HSD17B10: variants seen among roughly 807,000 people sequenced by gnomAD.
The protein encoded by HSD17B10 is hydroxysteroid 17-beta dehydrogenase 10.
For synonymous variants in HSD17B10, 90 were observed against 85.9 expected (o/e 1.05, Z -0.26); for missense variants, 87 against 219.4 (o/e 0.40, Z 3.81).
At chrX:53,432,480 G>T in intron 2 of HSD17B10, 69 bp from the exon 3 acceptor site, 1 of 895,442 alleles carries the variant, frequency 1.1e-6, no homozygotes, top group Non-Finnish European at 1.6e-6. Flanking sequence ...CCTGAGGGAG[G>T]GCAGGGCAGG....
rs1452727816 is a variant in HSD17B10, at chrX:53,432,319, C to T, written c.285G>A (p.Ala95=). The T allele has an allele frequency of 1.1e-5, 13 of 1,210,604 alleles. No homozygotes were observed. The South Asian group carries it at 1.6e-4, about 15-fold the overall frequency. ...VDVAVNCAGI[A]VASKTYNLKK... Reference sequence around the variant, plus strand: ...TTAAGTTGTACGTCTTGCTAGCCACCGCGATGCCTGCACAGTTGACAGCTA... The same window carrying T: ...TTAAGTTGTACGTCTTGCTAGCCACTGCGATGCCTGCACAGTTGACAGCTA... Residue 95 remains alanine (A), a synonymous_variant, in exon 3 of 6, where the codon GCG becomes GCA. Coordinates refer to ENST00000168216, the MANE Select transcript of HSD17B10 (RefSeq NM_004493.3).
rs781911950 is a variant in HSD17B10, at chrX:53,431,485, G to A, written c.705C>T (p.His235=). 1.7e-6 allele frequency: 2 copies of A among 1,210,507 alleles called. No individual in the cohort carries two copies. Among genetic ancestry groups the A allele is most frequent in the Admixed American group, 2.2e-5 (1 of 46,044 alleles). ...SRLGDPAEYA[H]LVQAIIENPF... is the part of the protein sequence containing the mutation. ...GGTTCTCGATGATGGCCTGTACGAG[G>A]TGAGCATACTCAGCAGGGTCACCCA... is the stretch of plus-strand genomic sequence containing the variant. Residue 235 remains histidine (H), a synonymous_variant, in exon 6 of 6, where the codon CAC becomes CAT. Coordinates refer to ENST00000168216, the MANE Select transcript of HSD17B10 (RefSeq NM_004493.3).
chrX:53,434,339 C>T lies in HSD17B10; in HGVS notation c.7G>A (p.Ala3Thr). The T allele has an allele frequency of 1.7e-6, 2 of 1,168,761 alleles. No individual in the cohort carries two copies. The highest frequency in any genetic ancestry group is 2.3e-6 in the Non-Finnish European group (2 of 873,314). The change falls in exon 1 of 6, where the codon GCA becomes ACA. Residue 3 changes from alanine to threonine, a missense_variant. Coordinates refer to ENST00000168216, the MANE Select transcript of HSD17B10 (RefSeq NM_004493.3). ...TCTACCTTCACGCTCCGACACGCTG[C>T]TGCCATCTTGTCGCCGGCCACTCCA... MA[A>T]ACRSVKGLVA...
rs782410328 is a variant in HSD17B10, at chrX:53,431,395, C to G, written c.*9G>C. On this transcript the variant is annotated 3_prime_UTR_variant, in exon 6 of 6. Coordinates refer to ENST00000168216, the MANE Select transcript of HSD17B10 (RefSeq NM_004493.3). The stretch of plus-strand genomic sequence containing the variant: ...GCAGAGGAGCGTGTGTTTTCTCTGC[C>G]TTCTCCCTTCAAGGCTGCATACGAA... 13 of 1,204,349 alleles carry G rather than the reference C, an allele frequency of 1.1e-5. No homozygotes were observed. In the East Asian group the frequency reaches 3.3e-4, roughly 30 times the overall value.
At chrX:53,434,192 G>T in intron 1 of HSD17B10, 127 bp downstream of exon 1, 1 of 813,736 alleles carries the variant, frequency 1.2e-6, no homozygotes, top group South Asian at 2.2e-5. Flanking sequence ...TGAGCCCAAC[G>T]GCCACAATAC....
chrX:53,433,145 AT>A (rs781862235), intron 2 of HSD17B10: 7 of 115,173 alleles, frequency 6.1e-5, no homozygotes, highest in Non-Finnish European at 8.9e-5. Flanking sequence ...AAAAAAAAAA[AT>A]TAGCTGGGCG....
At position 53,433,820 on chromosome X, in the gene HSD17B10, C is replaced by A. The variant is rs781871620; in HGVS notation, c.94G>T (p.Gly32Trp). ...AGAAGCACAGCAGAGGCTCCCTGCC[C>A]CACAAGTCGCTCCGCCGTGGCCAGG... ...LGLATAERLV[G>W]QGASAVLLDL... Residue 32 changes from glycine to tryptophan, a missense_variant, in exon 2 of 6, where the codon GGG becomes TGG. Gly to Trp is a radical substitution (Grantham distance 184). Transcript: ENST00000168216. 1.2e-5 allele frequency: 15 copies of A among 1,211,292 alleles called. No homozygotes were observed. The highest frequency in any genetic ancestry group is 1.7e-5 in the Non-Finnish European group (15 of 894,864).
At position 53,432,081 on chromosome X, in the gene HSD17B10, C is replaced by G; in HGVS notation, c.393G>C (p.Leu131=). 8.3e-7 allele frequency: 1 copy of G among 1,211,603 alleles called. No individual in the cohort carries two copies. The highest frequency in any genetic ancestry group is 1.1e-6 in the Non-Finnish European group (1 of 895,417). Residue 131 remains leucine, a synonymous_variant, in exon 4 of 6, where the codon CTG becomes CTC. Transcript: ENST00000168216. The part of the protein sequence containing the change: ...NLMGTFNVIR[L]VAGEMGQNEP... ...CATTCTGGCCCATCTCACCAGCCAC[C>G]AGGCGGATCACATTGAAGGTGCCCA...
rs782407792 is a variant in HSD17B10 at position 53,431,937 on chromosome X, G to A, written c.487-31C>T. The stretch of plus-strand genomic sequence containing the variant: ...GAAAGAGTAGAAGTCATAGGTGGGA[G>A]GGCCCCAACAAGTCACTTAGGAGGC... On this transcript the variant is annotated intron_variant, in intron 4 of 5. Transcript: ENST00000168216. The A allele has an allele frequency of 9.9e-5, 119 of 1,207,893 alleles. No homozygotes were observed. The South Asian group carries it at 1.9e-3, about 19-fold the overall frequency.
chrX:53,434,309 A>G lies in HSD17B10; in HGVS notation c.27+10T>C. 1 of 1,167,555 alleles carries G rather than the reference A, an allele frequency of 8.6e-7. No homozygotes were observed. The highest frequency in any genetic ancestry group is 3.2e-5 in the East Asian group (1 of 30,819). On this transcript the variant is annotated intron_variant, in intron 1 of 5. Coordinates refer to ENST00000168216, the MANE Select transcript of HSD17B10 (RefSeq NM_004493.3). ...AGGAAGGCAAGCAACAGAGGCAAAG[A>G]ACCTTCTACCTTCACGCTCCGACAC...
intron 3 of HSD17B10, 52 bp downstream of exon 3, chrX:53,432,195 C>T: frequency 8.3e-7 from 1 of 1,206,186 alleles, no homozygotes; most frequent in South Asian, 1.8e-5. Context: ...GGGTCCTCCA[C>T]AGCCAGATAC....
chrX:53,431,274 G>T lies in HSD17B10; in HGVS notation c.*130C>A. ...CTGCCTACACTCTGTGAGAAAAAGA[G>T]ACTTTATTAGGCACAGAGGGCGACT... On this transcript the variant is annotated 3_prime_UTR_variant, in exon 6 of 6. Coordinates refer to ENST00000168216, the MANE Select transcript of HSD17B10 (RefSeq NM_004493.3). 1 of 680,717 alleles carries T rather than the reference G, an allele frequency of 1.5e-6. No individual in the cohort carries two copies. Among genetic ancestry groups the T allele is most frequent in the East Asian group, 3.5e-5 (1 of 28,559 alleles). The allele number at this position is 680,717 out of a possible 1,213,427, so 56.1% of individuals were successfully genotyped here. A position where few individuals can be genotyped will look rare whatever the true frequency, so the allele number is the denominator to read the frequency against.
chrX:53,433,984 G>A (rs898891397), intron 1 of HSD17B10, 98 bp from the exon 2 acceptor site: 33 of 969,813 alleles, frequency 3.4e-5, no homozygotes, highest in Non-Finnish European at 4.4e-5. Context: ...GAGAAGGGGG[G>A]AGGGGAGAGG....
At chrX:53,433,674 T>C (rs782606369) in intron 2 of HSD17B10, 48 bp downstream of exon 2, 222 of 1,145,254 alleles carry the variant, frequency 1.9e-4, no homozygotes, top group Non-Finnish European at 2.6e-4. Context: ...CAGGCCGGTG[T>C]TGGTGACCTC....
chrX:53,434,340 T>C lies in HSD17B10; in HGVS notation c.6A>G (p.Ala2=), dbSNP rs897323903. 4.3e-6 allele frequency: 5 copies of C among 1,167,143 alleles called. No individual in the cohort carries two copies. The highest frequency in any genetic ancestry group is 3.3e-5 in the East Asian group (1 of 30,762). ...CTACCTTCACGCTCCGACACGCTGC[T>C]GCCATCTTGTCGCCGGCCACTCCAC... M[A]AACRSVKGLV... is the part of the protein sequence containing the mutation. The change falls in exon 1 of 6, where the codon GCA becomes GCG. Residue 2 remains alanine (A), a synonymous_variant. Transcript: ENST00000168216.
Position 53,433,980 on chromosome X carries a change from G to C in HSD17B10, c.28-94C>G, listed in dbSNP as rs782493132. On this transcript the variant is annotated intron_variant, in intron 1 of 5. Coordinates refer to ENST00000168216, the MANE Select transcript of HSD17B10 (RefSeq NM_004493.3). ...TGTTCTCCAGGCTTCTGAGGAGAAG[G>C]GGGGAGGGGAGAGGTCGTGGTCACC... is the stretch of plus-strand genomic sequence containing the variant. The C allele has an allele frequency of 9.4e-5, 94 of 1,003,864 alleles. No homozygotes were observed. In the East Asian group the frequency reaches 2.9e-3, roughly 31 times the overall value. The allele number at this position is 1,003,864 out of a possible 1,213,427, so 82.7% of individuals were successfully genotyped here. A position where few individuals can be genotyped will look rare whatever the true frequency, so the allele number is the denominator to read the frequency against.
chrX:53,431,619 G>C (rs2075825307), intron 5 of HSD17B10, 25 bp from the exon 6 acceptor site: 5 of 1,152,186 alleles, frequency 4.3e-6, no homozygotes, highest in Non-Finnish European at 5.9e-6. Context: ...CAAATTCAGA[G>C]ACTCACCCTT....
chrX:53,431,374 A>G lies in HSD17B10; in HGVS notation c.*30T>C. ...AGTACCCCAGGGAAAGGAAGGGCAG[A>G]GGAGCGTGTGTTTTCTCTGCCTTCT... On this transcript the variant is annotated 3_prime_UTR_variant, in exon 6 of 6. Coordinates refer to ENST00000168216, the MANE Select transcript of HSD17B10 (RefSeq NM_004493.3). 8.5e-7 allele frequency: 1 copy of G among 1,175,865 alleles called. No homozygotes were observed. Among genetic ancestry groups the G allele is most frequent in the East Asian group, 3.0e-5 (1 of 33,654 alleles).
At chrX:53,433,669 C>T (rs1556894873) in intron 2 of HSD17B10, 53 bp downstream of exon 2, 3 of 1,123,500 alleles carry the variant, frequency 2.7e-6, no homozygotes, top group Admixed American at 2.5e-5. Flanking sequence ...GTTCCCAGGC[C>T]GGTGTTGGTG....
Sources: allele counts gnomAD v4.1 joint callset, GRCh38; gene constraint gnomAD v4.1.1; transcripts MANE v1.5; gene names NCBI Gene and HGNC (gene_info 2026-07-23, HGNC 2026-07-21).